The following AMZ1 variants were observed in gnomAD, a reference collection of about 807,000 sequenced individuals.
AMZ1 encodes the protein archaemetzincin-1.
A neutral mutation model predicts 29.9 loss-of-function variants in AMZ1; 39 were observed. The observed-to-expected ratio is 1.30, with a 90% CI of 1.01 to 1.70. The LOEUF (loss-of-function observed/expected upper bound fraction) is 1.70. Ranked by LOEUF, AMZ1 falls within the 40% of genes most tolerant of loss-of-function variation. The pLI, the probability that AMZ1 is intolerant of heterozygous loss-of-function variation, is 0.00. For missense variants in AMZ1, 1,041 were observed against 680.6 expected (o/e 1.53, Z -5.89); for synonymous variants, 458 against 304.0 (o/e 1.51, Z -5.27).
At chr7:2,764,449 T>C (rs1791718027), upstream of AMZ1, among the ~76,000 whole-genome samples, 1 of 152,112 alleles carries the variant, frequency 6.6e-6, no homozygotes, top group African/African-American at 2.4e-5. Flanking sequence ...TGAGATTCCG[T>C]ATGAAGTCTA....
intron 4 of AMZ1, among the ~76,000 whole-genome samples, chr7:2,735,857 G>T (rs1466519092): frequency 6.6e-6 from 1 of 152,162 alleles, no homozygotes. Flanking sequence ...TAAGGTGCCA[G>T]GGACTGTGCC....
chr7:2,737,639 G>T (rs181580752), intron 4 of AMZ1, among the ~76,000 whole-genome samples: 53 of 152,184 alleles, frequency 3.5e-4, no homozygotes, highest in African/African-American at 1.3e-3. Context: ...ATCCTAAAGC[G>T]GGGTCATTCA....
At chr7:2,704,428 T>C (rs1050085067) in intron 3 of AMZ1, among the ~76,000 whole-genome samples, 8 of 151,990 alleles carry the variant, frequency 5.3e-5, no homozygotes, top group Non-Finnish European at 1.2e-4. Flanking sequence ...CAGTGAGCTG[T>C]GATCGTGCTA....
At chr7:2,723,805 C>T (rs1216580706), downstream of AMZ1, among the ~76,000 whole-genome samples, 3 of 152,216 alleles carry the variant, frequency 2.0e-5, no homozygotes, top group African/African-American at 4.8e-5. Context: ...CAGAGAGCCC[C>T]GGAGCTGGGC....
intron 4 of AMZ1, among the ~76,000 whole-genome samples, chr7:2,741,847 T>A (rs183617637): frequency 5.3e-5 from 8 of 150,626 alleles, no homozygotes; most frequent in African/African-American, 2.0e-4. Flanking sequence ...ATAAGAGTAT[T>A]CATCTAGGAT....
intron 3 of AMZ1, among the ~76,000 whole-genome samples, chr7:2,708,217 C>G (rs532636933): frequency 6.6e-6 from 1 of 152,288 alleles, no homozygotes; most frequent in Admixed American, 6.5e-5. Flanking sequence ...GCCCCTTTGG[C>G]TGTGGGGACT....
At chr7:2,701,986 CAG>C (rs1227236636) in intron 2 of AMZ1, 1 of 152,374 alleles carries the variant, frequency 6.6e-6, no homozygotes, top group Non-Finnish European at 1.5e-5. Context: ...TGTTGAAACA[CAG>C]GGGCCGGGTC....
rs1028918960 is a variant in AMZ1, at chr7:2,714,808, T to A, written c.*1930T>A. The A allele has an allele frequency of 6.6e-6, 1 of 152,284 alleles. No individual in the cohort carries two copies. Among genetic ancestry groups the A allele is most frequent in the African/African-American group, 2.4e-5 (1 of 41,438 alleles). 9.4% of individuals were successfully genotyped at this position (152,284 alleles called of 1,614,324 possible). A position where few individuals can be genotyped will look rare whatever the true frequency, so the allele number is the denominator to read the frequency against. On this transcript the variant is annotated 3_prime_UTR_variant, in exon 7 of 7. Coordinates refer to ENST00000683327, the MANE Select transcript of AMZ1 (RefSeq NM_001384743.1). ...AGACTCTCCATGGAGGAGGGGCATC[T>A]TCTTAGGAAGGCAGCTGCCATACCG...
chr7:2,690,550 C>T (rs556839464), intron 1 of AMZ1, among the ~76,000 whole-genome samples: 24 of 152,270 alleles, frequency 1.6e-4, no homozygotes, highest in African/African-American at 5.3e-4. Flanking sequence ...GTGGCCACTC[C>T]TTCCCGGGCG....
At chr7:2,712,206 C>G (rs1301832228) in intron 6 of AMZ1, 124 bp from the exon 7 acceptor site, 1 of 1,065,398 alleles carries the variant, frequency 9.4e-7, no homozygotes, top group African/African-American at 1.6e-5. Flanking sequence ...CACCACCAGC[C>G]TGACTCCCGC....
At chr7:2,691,577 C>T (rs998523977) in intron 1 of AMZ1, among the ~76,000 whole-genome samples, 2 of 147,598 alleles carry the variant, frequency 1.4e-5, no homozygotes, top group Non-Finnish European at 2.9e-5. Flanking sequence ...CTCGTTTCTA[C>T]TAAAAATACA....
chr7:2,699,915 A>T (rs553889375), intron 1 of AMZ1, among the ~76,000 whole-genome samples: 10 of 152,214 alleles, frequency 6.6e-5, no homozygotes, highest in Admixed American at 2.6e-4. Flanking sequence ...GCCCATGGAC[A>T]CATGTCCCTG....
At chr7:2,689,277 C>A (rs1787239966) in intron 1 of AMZ1, among the ~76,000 whole-genome samples, 2 of 152,122 alleles carry the variant, frequency 1.3e-5, no homozygotes, top group African/African-American at 4.8e-5. Context: ...GCATGAGTGC[C>A]CGGAGCTGTG....
At chr7:2,686,414 G>C (rs1010834069), upstream of AMZ1, among the ~76,000 whole-genome samples, 1 of 152,120 alleles carries the variant, frequency 6.6e-6, no homozygotes. Context: ...CGTACCTGTA[G>C]TCTCAGCTAC....
intron 6 of AMZ1, among the ~76,000 whole-genome samples, chr7:2,710,469 G>T (rs749987044): frequency 3.3e-5 from 5 of 152,218 alleles, no homozygotes; most frequent in African/African-American, 7.2e-5. Flanking sequence ...ATGAAACCGC[G>T]CTGGAAAGCC....
upstream of AMZ1, among the ~76,000 whole-genome samples, chr7:2,763,612 T>C (rs944664287): frequency 5.9e-5 from 9 of 152,230 alleles, no homozygotes; most frequent in African/African-American, 7.2e-5. Context: ...GTCTAAAATA[T>C]GCAGAAAGAG....
intron 1 of AMZ1, chr7:2,679,776 C>G (rs1462937663): frequency 6.6e-6 from 1 of 152,492 alleles, no homozygotes; most frequent in African/African-American, 2.4e-5. Context: ...GGCTGCTGCT[C>G]CAGGCAGAGG....
chr7:2,714,178 C>G lies in AMZ1; in HGVS notation c.*1300C>G, dbSNP rs1009601780. The G allele has an allele frequency of 1.3e-5, 2 of 152,292 alleles. No homozygotes were observed. Among genetic ancestry groups the G allele is most frequent in the African/African-American group, 4.8e-5 (2 of 41,424 alleles). 9.4% of individuals were successfully genotyped at this position (152,292 alleles called of 1,614,324 possible). On this transcript the variant is annotated 3_prime_UTR_variant, in exon 7 of 7. Transcript: ENST00000683327. ...CGGAATCCCTTCGGAGTGACGAGGG[C>G]GGGGTCACAGCTCGCGCACCCTCAT...
chr7:2,684,051 G>A (rs1010249735), upstream of AMZ1, among the ~76,000 whole-genome samples: 35 of 151,862 alleles, frequency 2.3e-4, no homozygotes, highest in African/African-American at 8.2e-4. Context: ...GGTGGCACGC[G>A]CCTATAATCC....
Sources: allele counts gnomAD v4.1 joint callset (sites outside exome capture counted in the v4.1 genomes callset), GRCh38; gene constraint gnomAD v4.1.1; transcripts MANE v1.5; gene names NCBI Gene and HGNC (gene_info 2026-07-23, HGNC 2026-07-21).